Variants in DCUN1D3 observed in about 807,000 individuals in gnomAD.
DCUN1D3 encodes the protein DCN1-like protein 3.
A neutral mutation model predicts 24.8 loss-of-function variants in DCUN1D3; 6 were observed. That is an observed-to-expected ratio of 0.24 (90% CI 0.13 to 0.48). The LOEUF (loss-of-function observed/expected upper bound fraction) is 0.48, where lower values mean the gene tolerates loss of function less well. DCUN1D3 is among the 20% of genes least tolerant of loss of function. DCUN1D3 has a pLI of 0.99. For synonymous variants in DCUN1D3, 120 were observed against 144.9 expected (o/e 0.83, Z 1.24); for missense variants, 258 against 379.4 (o/e 0.68, Z 2.66).
intron 1 of DCUN1D3, among the ~76,000 whole-genome samples, chr16:20,870,477 G>A (rs528049469): frequency 4.5e-4 from 68 of 152,168 alleles, no homozygotes; most frequent in Non-Finnish European, 7.9e-4. Flanking sequence ...AACTGCTGCA[G>A]CTCGCTGGGT....
chr16:20,888,195 A>G (rs760265870), intron 1 of DCUN1D3, among the ~76,000 whole-genome samples: 20 of 152,220 alleles, frequency 1.3e-4, no homozygotes, highest in Non-Finnish European at 2.8e-4. Context: ...GGGCATAGCA[A>G]TGGATGCCAT....
At chr16:20,872,768 C>A (rs751518802) in intron 1 of DCUN1D3, among the ~76,000 whole-genome samples, 1 of 152,200 alleles carries the variant, frequency 6.6e-6, no homozygotes, top group East Asian at 1.9e-4. Context: ...TCACCACCTA[C>A]GGTTAATATT....
intron 1 of DCUN1D3, among the ~76,000 whole-genome samples, chr16:20,890,911 A>G (rs1253715463): frequency 6.7e-6 from 1 of 150,146 alleles, no homozygotes; most frequent in Non-Finnish European, 1.5e-5. Flanking sequence ...CACCTGGTCA[A>G]AATTTTTTTT....
Position 20,855,798 on chromosome 16 carries a change from G to C in DCUN1D3, c.*4088C>G, listed in dbSNP as rs951666120. ...GATCAGAAAACACACTGTGGAATAA[G>C]AGGAGGATCAATGTCGCATTTCCTC... On this transcript the variant is annotated 3_prime_UTR_variant, in exon 3 of 3. Coordinates refer to ENST00000324344, the MANE Select transcript of DCUN1D3 (RefSeq NM_173475.4). 1 of 152,206 alleles carries C rather than the reference G, an allele frequency of 6.6e-6. No individual in the cohort carries two copies. The allele number at this position is 152,206 out of a possible 1,614,324, so 9.4% of individuals were successfully genotyped here.
Position 20,889,453 on chromosome 16 carries a change from C to T in DCUN1D3, c.-106+10751G>A, listed in dbSNP as rs372591996. ...GTTTCTTGCATTAGGGAAGTCTAGA[C>T]CTAATGCACCTTTGAAGTTCAAGAA... On this transcript the variant is annotated intron_variant, in intron 1 of 2. Coordinates refer to ENST00000324344, the MANE Select transcript of DCUN1D3 (RefSeq NM_173475.4). Among the ~76,000 whole-genome samples, 33 of 151,992 alleles carry T rather than the reference C, an allele frequency of 2.2e-4. No individual in the cohort carries two copies. The South Asian group carries it at 2.5e-3, about 12-fold the overall frequency.
intron 1 of DCUN1D3, among the ~76,000 whole-genome samples, chr16:20,872,488 A>C (rs1596632836): frequency 1.3e-5 from 2 of 151,892 alleles, no homozygotes; most frequent in East Asian, 3.9e-4. Context: ...AAAAAAAAAA[A>C]AATCTAAATC....
In DCUN1D3 at chr16:20,860,510, CCTTA is replaced by C. The variant is rs1174376411; in HGVS notation, c.432-145_432-142del. 7.8e-6 allele frequency: 7 copies of C among 898,228 alleles called. No individual in the cohort carries two copies. Among genetic ancestry groups the C allele is most frequent in the East Asian group, 2.7e-5 (1 of 37,678 alleles). 55.6% of individuals were successfully genotyped at this position (898,228 alleles called of 1,614,324 possible). A position where few individuals can be genotyped will look rare whatever the true frequency, so the allele number is the denominator to read the frequency against. The stretch of plus-strand genomic sequence containing the variant: ...CTCCTCCAACTAATTAGTCCTATTT[CCTTA>C]CTTGTCAAATGGTAAAAATACCACC... On this transcript the variant is annotated intron_variant, in intron 2 of 2. Coordinates refer to ENST00000324344, the MANE Select transcript of DCUN1D3 (RefSeq NM_173475.4). The surrounding 1 kb of genome is among the most constrained non-coding windows in gnomAD (Gnocchi z 4.3).
intron 1 of DCUN1D3, among the ~76,000 whole-genome samples, chr16:20,885,142 A>ATT (rs1024499629): frequency 3.3e-5 from 5 of 151,872 alleles, no homozygotes; most frequent in Non-Finnish European, 5.9e-5. Flanking sequence ...TACTCGGCTA[A>ATT]TTTTTGTATT....
chr16:20,877,075 A>G (rs1282179240), intron 1 of DCUN1D3, among the ~76,000 whole-genome samples: 1 of 152,218 alleles, frequency 6.6e-6, no homozygotes, highest in Non-Finnish European at 1.5e-5. Context: ...ATTTCAAAAT[A>G]GGTGGAAGAG....
intron 1 of DCUN1D3, among the ~76,000 whole-genome samples, chr16:20,888,183 G>A (rs1465253694): frequency 4.6e-5 from 7 of 152,324 alleles, no homozygotes; most frequent in South Asian, 4.1e-4. Context: ...GCCATTCCAG[G>A]TGGGCATAGC....
chr16:20,877,224 T>A (rs972657555), intron 1 of DCUN1D3, among the ~76,000 whole-genome samples: 4 of 151,868 alleles, frequency 2.6e-5, no homozygotes, highest in Admixed American at 2.6e-4. Flanking sequence ...ATATTATTTA[T>A]CAATTAACAA....
chr16:20,891,476 G>A (rs2081892183), intron 1 of DCUN1D3, among the ~76,000 whole-genome samples: 1 of 152,106 alleles, frequency 6.6e-6, no homozygotes, highest in South Asian at 2.1e-4. Flanking sequence ...ACCAACTTCC[G>A]ATTTGTCAAA....
intron 1 of DCUN1D3, among the ~76,000 whole-genome samples, chr16:20,879,840 G>A (rs1193514113): frequency 2.0e-5 from 3 of 152,192 alleles, no homozygotes; most frequent in Non-Finnish European, 4.4e-5. Flanking sequence ...TATTGCCAAT[G>A]GGCTTATTGA....
rs550362795 is a variant in DCUN1D3, at chr16:20,873,901, G to A, written c.-105-11258C>T. 6.6e-5 allele frequency among the ~76,000 whole-genome samples: 10 copies of A among 152,196 alleles called. No homozygotes were observed. In the South Asian group the frequency reaches 2.1e-3, roughly 32 times the overall value. Reference sequence around the variant, plus strand: ...CACATGGGGCTCAGCTCAAATGCATGTAGAACCCAAAAATGAAATCACCAA... The same window carrying A: ...CACATGGGGCTCAGCTCAAATGCATATAGAACCCAAAAATGAAATCACCAA... On this transcript the variant is annotated intron_variant, in intron 1 of 2. Coordinates refer to ENST00000324344, the MANE Select transcript of DCUN1D3 (RefSeq NM_173475.4).
chr16:20,874,481 A>T (rs1567425354), intron 1 of DCUN1D3, among the ~76,000 whole-genome samples: 1 of 152,146 alleles, frequency 6.6e-6, no homozygotes, highest in African/African-American at 2.4e-5. Context: ...CCAAAGAGGA[A>T]CCCCGTCCCA....
chr16:20,880,128 C>T (rs553930017), intron 1 of DCUN1D3, among the ~76,000 whole-genome samples: 9 of 152,276 alleles, frequency 5.9e-5, no homozygotes, highest in Admixed American at 5.2e-4. Context: ...GTCTATCGTG[C>T]GTCCAAGGCT....
At chr16:20,899,542 A>T (rs2081948810) in intron 1 of DCUN1D3, among the ~76,000 whole-genome samples, 1 of 152,174 alleles carries the variant, frequency 6.6e-6, no homozygotes, top group Admixed American at 6.5e-5. Flanking sequence ...GGGAAGAAAA[A>T]AAAATCCACT....
intron 1 of DCUN1D3, among the ~76,000 whole-genome samples, chr16:20,876,826 G>A (rs1323929866): frequency 1.3e-5 from 2 of 152,190 alleles, no homozygotes; most frequent in African/African-American, 4.8e-5. Context: ...AGGTCATTAC[G>A]TTAAGTGAAA....
intron 1 of DCUN1D3, among the ~76,000 whole-genome samples, chr16:20,890,594 A>G (rs2081888090): frequency 6.6e-6 from 1 of 152,010 alleles, no homozygotes; most frequent in Non-Finnish European, 1.5e-5. Context: ...GCACCACTGC[A>G]CTCTAGCCTG....
Sources: gnomAD v4.1 joint callset for allele counts (sites outside exome capture counted in the v4.1 genomes callset) on GRCh38, gnomAD v4.1.1 for gene constraint, Gnocchi (gnomAD v3.1) non-coding constraint, MANE v1.5 for transcripts, NCBI Gene and HGNC (gene_info 2026-07-23, HGNC 2026-07-21) for gene names.